Variants in PSMC6 observed in about 807,000 individuals in gnomAD.
PSMC6 encodes 26S proteasome regulatory subunit 10B.
PSMC6 carries 3 observed loss-of-function variants against 55.9 expected under a neutral mutation model. The observed-to-expected ratio is 0.05, with a 90% CI of 0.02 to 0.14. The LOEUF (loss-of-function observed/expected upper bound fraction) is 0.14, where lower values mean the gene tolerates loss of function less well. Ranked by LOEUF, PSMC6 falls within the 10% of genes least tolerant of loss-of-function variation. The probability of loss-of-function intolerance (pLI) is 1.00; values close to 1 mark genes in which losing one functional copy is unlikely to be tolerated. For synonymous variants in PSMC6, 137 were observed against 155.9 expected (o/e 0.88, Z 0.90); for missense variants, 210 against 478.7 (o/e 0.44, Z 5.24).
Position 52,711,531 on chromosome 14 carries a change from A to G in PSMC6, c.441+7A>G. On this transcript the variant is annotated splice_region_variant and intron_variant, in intron 6 of 13. Coordinates refer to ENST00000445930, the MANE Select transcript of PSMC6 (RefSeq NM_002806.5). ...GATCCGGGAATTAAGAGAGGTTGGTACTGTGTGCCTTGTTCTCTGAACTTA... is the reference window on the plus strand; with the variant it reads ...GATCCGGGAATTAAGAGAGGTTGGTGCTGTGTGCCTTGTTCTCTGAACTTA... The G allele has an allele frequency of 6.4e-7, 1 of 1,566,290 alleles. No homozygotes were observed. Among genetic ancestry groups the G allele is most frequent in the Admixed American group, 1.7e-5 (1 of 58,536 alleles).
At chr14:52,708,695 C>T in intron 3 of PSMC6, 69 bp from the exon 4 acceptor site, 1 of 1,598,640 alleles carries the variant, frequency 6.3e-7, no homozygotes, top group Non-Finnish European at 8.5e-7. Context: ...ACTAAACCCT[C>T]TGTCAACGTG....
chr14:52,716,242 G>A (rs1347524648), intron 7 of PSMC6, among the ~76,000 whole-genome samples: 1 of 152,186 alleles, frequency 6.6e-6, no homozygotes, highest in Non-Finnish European at 1.5e-5. Flanking sequence ...TACACTACTG[G>A]TGGGAATGTA....
chr14:52,711,345 A>G (rs2041770146), intron 5 of PSMC6, 65 bp from the exon 6 acceptor site: 1 of 1,380,816 alleles, frequency 7.2e-7, no homozygotes, highest in Non-Finnish European at 1.0e-6. Context: ...AGTTATTTAT[A>G]TGCTATCTGT....
intron 10 of PSMC6, among the ~76,000 whole-genome samples, chr14:52,720,009 G>A (rs2139851045): frequency 6.6e-6 from 1 of 152,164 alleles, no homozygotes; most frequent in African/African-American, 2.4e-5. Flanking sequence ...CAGATCATGA[G>A]GTCTGAGCAT....
At chr14:52,719,982 T>C (rs2041870640) in intron 10 of PSMC6, among the ~76,000 whole-genome samples, 1 of 152,074 alleles carries the variant, frequency 6.6e-6, no homozygotes, top group South Asian at 2.1e-4. Flanking sequence ...CCCAGCACTT[T>C]GGGAGGCCCA....
intron 4 of PSMC6, chr14:52,709,534 T>C: frequency 2.3e-6 from 1 of 442,510 alleles, no homozygotes; most frequent in South Asian, 1.6e-5. Flanking sequence ...GTCAAAATAT[T>C]AGATACCTAA....
chr14:52,718,424 A>T lies in PSMC6; in HGVS notation c.715+72A>T, dbSNP rs1382889624. 5 of 1,466,796 alleles carry T rather than the reference A, an allele frequency of 3.4e-6. No individual in the cohort carries two copies. In the Admixed American group the frequency reaches 1.0e-4, roughly 29 times the overall value. 90.9% of individuals were successfully genotyped at this position (1,466,796 alleles called of 1,614,324 possible). ...GTAAAAGAACCTTTTTCCCTCTCTT[A>T]ATCTGTAATTGTGACTTGTATGAAG... On this transcript the variant is annotated intron_variant, in intron 9 of 13. Transcript: ENST00000445930.
intron 4 of PSMC6, chr14:52,709,909 C>T (rs117483469): frequency 0.01 from 1,919 of 184,630 alleles, 15 homozygotes; most frequent in Non-Finnish European, 0.017. Flanking sequence ...AATACTCAGC[C>T]TGTATTTCCT....
At chr14:52,711,613 A>G (rs2041773358) in intron 6 of PSMC6, 89 bp downstream of exon 6, 1 of 802,962 alleles carries the variant, frequency 1.2e-6, no homozygotes, top group Admixed American at 2.9e-5. Flanking sequence ...ATGAAAAAGT[A>G]CTTTTTGTCT....
chr14:52,717,943 G>A (rs992996377), intron 7 of PSMC6, 138 bp from the exon 8 acceptor site: 19 of 719,804 alleles, frequency 2.6e-5, no homozygotes, highest in East Asian at 1.8e-4. Flanking sequence ...TGGGAAAATC[G>A]CTTAGGTCTG....
chr14:52,711,227 G>A, intron 5 of PSMC6, 59 bp downstream of exon 5: 2 of 1,478,470 alleles, frequency 1.4e-6, no homozygotes, highest in South Asian at 2.3e-5. Flanking sequence ...GTTTTTATCT[G>A]AGATATATGC....
chr14:52,721,463 C>G, intron 12 of PSMC6: 1 of 310,250 alleles, frequency 3.2e-6, no homozygotes, highest in Non-Finnish European at 6.0e-6. Flanking sequence ...GTTAGTAAAA[C>G]AAAGTATAAT....
At position 52,718,982 on chromosome 14, in the gene PSMC6, C is replaced by A; in HGVS notation, c.721C>A (p.Arg241Ser). The A allele has an allele frequency of 6.2e-7, 1 of 1,609,982 alleles. No homozygotes were observed. Among genetic ancestry groups the A allele is most frequent in the Non-Finnish European group, 8.5e-7 (1 of 1,176,630 alleles). ...FMDEIDAIGG[R>S]RFSEGTSADR... Reference sequence around the variant, plus strand: ...TTCCAAATCTACTATCTTAGGTGGTCGTCGGTTTTCTGAGGGTACTTCAGC... The same window carrying A: ...TTCCAAATCTACTATCTTAGGTGGTAGTCGGTTTTCTGAGGGTACTTCAGC... The change falls in exon 10 of 14, where the codon CGT becomes AGT. Residue 241 changes from arginine (R) to serine (S), a missense_variant. This residue lies in a region of PSMC6 where 4 missense variants were observed against 52.7 expected (regional missense o/e 0.08). Transcript: ENST00000445930.
intron 10 of PSMC6, 57 bp from the exon 11 acceptor site, chr14:52,720,804 G>A: frequency 7.2e-7 from 1 of 1,395,562 alleles, no homozygotes; most frequent in South Asian, 1.2e-5. Context: ...TAAAAGGTGT[G>A]TGCTATTTTT....
At chr14:52,721,063 T>C (rs1217743403) in intron 11 of PSMC6, 47 bp from the exon 12 acceptor site, 1 of 1,579,632 alleles carries the variant, frequency 6.3e-7, no homozygotes, top group East Asian at 2.2e-5. Context: ...TTCCACTGTA[T>C]TTTAAAAAAG....
At chr14:52,727,407 A>C in intron 13 of PSMC6, 92 bp from the exon 14 acceptor site, 1 of 839,076 alleles carries the variant, frequency 1.2e-6, no homozygotes, top group Non-Finnish European at 1.8e-6. Context: ...TCTAAGCTTC[A>C]CATTTATTCC....
In PSMC6 at chr14:52,713,997, A is replaced by G. The variant is rs868522326; in HGVS notation, c.529+29A>G. 5.6e-6 allele frequency: 7 copies of G among 1,254,240 alleles called. No individual in the cohort carries two copies. In the Middle Eastern group the frequency reaches 1.5e-3, roughly 269 times the overall value. The allele number at this position is 1,254,240 out of a possible 1,614,324, so 77.7% of individuals were successfully genotyped here. A position where few individuals can be genotyped will look rare whatever the true frequency, so the allele number is the denominator to read the frequency against. ...GGTATTGAATTATTTCTACTCCACC[A>G]ATAAGATAAATGAATTAAGGAATTA... On this transcript the variant is annotated intron_variant, in intron 7 of 13. Transcript: ENST00000445930.
intron 12 of PSMC6, chr14:52,722,192 T>G (rs1039904191): frequency 6.6e-6 from 1 of 152,346 alleles, no homozygotes; most frequent in African/African-American, 2.4e-5. Context: ...AAGTAGCTTC[T>G]TGGGAGTGGT....
At position 52,718,978 on chromosome 14, in the gene PSMC6, T is replaced by A; in HGVS notation, c.717T>A (p.Gly239=). Residue 239 remains glycine (G), a splice_region_variant and synonymous_variant, in exon 10 of 14, where the codon GGT becomes GGA. Coordinates refer to ENST00000445930, the MANE Select transcript of PSMC6 (RefSeq NM_002806.5). Reference sequence around the variant, plus strand: ...AAATTTCCAAATCTACTATCTTAGGTGGTCGTCGGTTTTCTGAGGGTACTT... The same window carrying A: ...AAATTTCCAAATCTACTATCTTAGGAGGTCGTCGGTTTTCTGAGGGTACTT... ...IIFMDEIDAI[G]GRRFSEGTSA... 1 of 1,608,792 alleles carries A rather than the reference T, an allele frequency of 6.2e-7. No homozygotes were observed. Among genetic ancestry groups the A allele is most frequent in the Non-Finnish European group, 8.5e-7 (1 of 1,175,450 alleles).
Sources: gnomAD v4.1 joint callset for allele counts (sites outside exome capture counted in the v4.1 genomes callset) on GRCh38, gnomAD v4.1.1 for gene constraint, gnomAD v4.1.1 regional missense constraint, MANE v1.5 for transcripts, NCBI Gene and HGNC (gene_info 2026-07-23, HGNC 2026-07-21) for gene names.